BAZ2B: variants seen among roughly 807,000 people sequenced by gnomAD.
The protein encoded by BAZ2B is bromodomain adjacent to zinc finger domain protein 2B.
BAZ2B carries 91 observed loss-of-function variants against 246.0 expected under a neutral mutation model. The ratio of observed to expected loss-of-function variants is 0.37; its 90% CI spans 0.31 to 0.44. The LOEUF is 0.44. Ranked by LOEUF, BAZ2B falls within the 20% of genes least tolerant of loss-of-function variation. The probability of loss-of-function intolerance (pLI) is 1.00; values close to 1 mark genes in which losing one functional copy is unlikely to be tolerated. For synonymous variants in BAZ2B, 855 were observed against 860.0 expected (o/e 0.99, Z 0.10); for missense variants, 2,332 against 2,533.7 (o/e 0.92, Z 1.71).
intron 13 of BAZ2B, among the ~76,000 whole-genome samples, chr2:159,414,765 C>G (rs1317653301): frequency 2.0e-5 from 3 of 149,958 alleles, no homozygotes; most frequent in Middle Eastern, 3.5e-3. Flanking sequence ...TGCAGTGAGC[C>G]GAGATGGAAC....
At chr2:159,385,541 T>C (rs141935786) in intron 22 of BAZ2B, among the ~76,000 whole-genome samples, 172 bp from the exon 23 acceptor site, 142 of 152,164 alleles carry the variant, frequency 9.3e-4, no homozygotes, top group African/African-American at 3.1e-3. Flanking sequence ...AGACAAATAT[T>C]CAAGTATTTG....
intron 1 of BAZ2B, among the ~76,000 whole-genome samples, chr2:159,596,887 C>G (rs1578777552): frequency 1.3e-5 from 2 of 152,176 alleles, no homozygotes; most frequent in African/African-American, 4.8e-5. Flanking sequence ...CATATAATGA[C>G]TTCTTTTCCT....
intron 34 of BAZ2B, among the ~76,000 whole-genome samples, chr2:159,330,200 A>C (rs1292429886): frequency 6.6e-6 from 1 of 152,242 alleles, no homozygotes; most frequent in Non-Finnish European, 1.5e-5. Context: ...AAAGTTATAA[A>C]AACTTTCACA....
chr2:159,490,693 T>TTTTTTA (rs2080360940), intron 2 of BAZ2B, among the ~76,000 whole-genome samples: 1 of 152,056 alleles, frequency 6.6e-6, no homozygotes, highest in Non-Finnish European at 1.5e-5. Flanking sequence ...TGGCTATTTT[T>TTTTTTA]TTTTTATTTT....
At chr2:159,385,006 C>A (rs2062461144) in intron 23 of BAZ2B, 149 bp downstream of exon 23, 4 of 760,944 alleles carry the variant, frequency 5.3e-6, no homozygotes, top group Non-Finnish European at 8.2e-6. Context: ...TATTAGTGGC[C>A]ATCTCTAAAT....
chr2:159,674,675 CATTG>C, the BAZ2B span, among the ~76,000 whole-genome samples: 2 of 149,720 alleles, frequency 1.3e-5, no homozygotes, highest in Non-Finnish European at 3.0e-5. Flanking sequence ...GAGATTGCGC[CATTG>C]CAGTCCAGCC....
At chr2:159,508,318 G>A (rs1169808447) in intron 2 of BAZ2B, among the ~76,000 whole-genome samples, 2 of 152,078 alleles carry the variant, frequency 1.3e-5, no homozygotes, top group Non-Finnish European at 2.9e-5. Flanking sequence ...TTTAGTCACA[G>A]TGACTTCTTA....
At chr2:159,344,327 C>A (rs1236329006) in intron 31 of BAZ2B, among the ~76,000 whole-genome samples, 3 of 151,820 alleles carry the variant, frequency 2.0e-5, no homozygotes, top group Admixed American at 6.6e-5. Context: ...CACCTGAGGT[C>A]AGGAGTTCAA....
intron 1 of BAZ2B, among the ~76,000 whole-genome samples, chr2:159,567,153 G>A (rs973676234): frequency 2.6e-5 from 4 of 152,080 alleles, no homozygotes; most frequent in African/African-American, 9.7e-5. Flanking sequence ...TGACGCAGGA[G>A]AATCGCTTGA....
chr2:159,576,912 CAAAAAAAAAAA>C (rs34337483), intron 1 of BAZ2B, among the ~76,000 whole-genome samples: 17 of 51,154 alleles, frequency 3.3e-4, no homozygotes, highest in Admixed American at 1.6e-3. Flanking sequence ...GACTGTGTCT[CAAAAAAAAAAA>C]AAAAAAAAAA....
intron 2 of BAZ2B, among the ~76,000 whole-genome samples, chr2:159,540,106 T>G (rs888533920): frequency 6.6e-5 from 10 of 152,248 alleles, no homozygotes; most frequent in Admixed American, 6.5e-4. Flanking sequence ...GTAAACTTAA[T>G]GACAGAAGAA....
the BAZ2B span, among the ~76,000 whole-genome samples, chr2:159,692,370 C>G: frequency 6.6e-6 from 1 of 152,050 alleles, no homozygotes; most frequent in Admixed American, 6.6e-5. Context: ...GTTGGCCAGG[C>G]TGGTCTTGAC....
At chr2:159,343,780 A>T (rs149821172) in intron 31 of BAZ2B, among the ~76,000 whole-genome samples, 3,201 of 152,234 alleles carry the variant, frequency 0.021, 119 homozygotes, top group African/African-American at 0.071. Context: ...TAATCCCAGC[A>T]CTTTGGGAGG....
intron 2 of BAZ2B, among the ~76,000 whole-genome samples, chr2:159,504,246 T>C (rs545514351): frequency 9.0e-4 from 137 of 152,284 alleles, no homozygotes; most frequent in African/African-American, 3.2e-3. Context: ...TGTGCCATGC[T>C]GGTGTGCTGC....
the BAZ2B span, among the ~76,000 whole-genome samples, chr2:159,678,700 G>A: frequency 6.6e-6 from 1 of 152,022 alleles, no homozygotes; most frequent in African/African-American, 2.4e-5. Context: ...CTGATCTGAT[G>A]GTGGGGGAGG....
chr2:159,624,343 T>C, the BAZ2B span, among the ~76,000 whole-genome samples: 1 of 152,212 alleles, frequency 6.6e-6, no homozygotes, highest in Non-Finnish European at 1.5e-5. Context: ...CAAGCTCTGC[T>C]AAGGGTCAGA....
At chr2:159,420,282 GC>G (rs2068504035) in intron 13 of BAZ2B, among the ~76,000 whole-genome samples, 1 of 152,080 alleles carries the variant, frequency 6.6e-6, no homozygotes, top group African/African-American at 2.4e-5. Context: ...TTAAGTATTT[GC>G]CACACATATT....
chr2:159,325,136 T>TACTC (rs1160781014), intron 35 of BAZ2B, among the ~76,000 whole-genome samples, 182 bp from the exon 36 acceptor site: 1 of 44,964 alleles, frequency 2.2e-5, no homozygotes, highest in Non-Finnish European at 3.9e-5. Flanking sequence ...TATATATATA[T>TACTC]ATATATATAT....
chr2:159,522,792 TACATTAGACTGTAGAGAA>T (rs937499746), intron 2 of BAZ2B, among the ~76,000 whole-genome samples: 7 of 152,042 alleles, frequency 4.6e-5, no homozygotes, highest in African/African-American at 1.7e-4. Flanking sequence ...TGTCAAAATA[TACATTAGACTGTAGAGAA>T]ACAGACGCTT....
Sources: allele counts gnomAD v4.1 joint callset (sites outside exome capture counted in the v4.1 genomes callset), GRCh38; gene constraint gnomAD v4.1.1; transcripts MANE v1.5; gene names NCBI Gene and HGNC (gene_info 2026-07-23, HGNC 2026-07-21).